DPY19L1: variants seen among roughly 807,000 people sequenced by gnomAD.
DPY19L1 encodes dpy-19 like C-mannosyltransferase 1, also known as protein C-mannosyl-transferase DPY19L1.
In DPY19L1, 35 loss-of-function variants were observed where a neutral mutation model predicts 96.9. The ratio of observed to expected loss-of-function variants is 0.36; its 90% confidence interval spans 0.28 to 0.48. The LOEUF is 0.48. Among genes scored for constraint, DPY19L1 ranks in the 20% least tolerant of loss-of-function variants. The pLI is 0.99. For synonymous variants in DPY19L1, 205 were observed against 252.6 expected (o/e 0.81, Z 1.79); for missense variants, 521 against 777.9 (o/e 0.67, Z 3.93).
chr7:34,988,654 A>G (rs1041767635), intron 7 of DPY19L1, among the ~76,000 whole-genome samples: 1 of 152,150 alleles, frequency 6.6e-6, no homozygotes, highest in Non-Finnish European at 1.5e-5. Context: ...GCATATTCAA[A>G]TACAGCAGGC....
At chr7:34,955,093 A>G (rs1290868618) in intron 12 of DPY19L1, among the ~76,000 whole-genome samples, 6 of 149,042 alleles carry the variant, frequency 4.0e-5, no homozygotes, top group South Asian at 4.3e-4. Context: ...CATGAGTAAT[A>G]AATAAAACTG....
chr7:35,023,420 T>C (rs1786042185), intron 1 of DPY19L1, among the ~76,000 whole-genome samples: 1 of 152,254 alleles, frequency 6.6e-6, no homozygotes, highest in South Asian at 2.1e-4. Flanking sequence ...TGTGCCTCTC[T>C]GTAACCTGCA....
At chr7:34,931,781 G>A in intron 21 of DPY19L1, 52 bp from the exon 22 acceptor site, 1 of 1,529,192 alleles carries the variant, frequency 6.5e-7, no homozygotes, top group Non-Finnish European at 8.8e-7. Flanking sequence ...TATAACTGCA[G>A]AGAAAGCAGA....
intron 19 of DPY19L1, 48 bp from the exon 20 acceptor site, chr7:34,939,423 A>AC: frequency 1.3e-6 from 2 of 1,518,044 alleles, no homozygotes; most frequent in Non-Finnish European, 1.8e-6. Flanking sequence ...TGAAGGCGAG[A>AC]AGGTGTCTCC....
At chr7:35,009,022 T>C (rs1279326349) in intron 6 of DPY19L1, among the ~76,000 whole-genome samples, 1 of 152,240 alleles carries the variant, frequency 6.6e-6, no homozygotes, top group Non-Finnish European at 1.5e-5. Flanking sequence ...TAATCATGCA[T>C]TTTTATTTTA....
At chr7:34,982,182 A>C (rs1784953172) in intron 7 of DPY19L1, among the ~76,000 whole-genome samples, 1 of 152,320 alleles carries the variant, frequency 6.6e-6, no homozygotes, top group African/African-American at 2.4e-5. Context: ...AAATCATCAA[A>C]GAATTTATGG....
chr7:34,968,550 C>G (rs1489604611), intron 9 of DPY19L1, among the ~76,000 whole-genome samples: 2 of 152,022 alleles, frequency 1.3e-5, no homozygotes, highest in Non-Finnish European at 2.9e-5. Flanking sequence ...GCGGGTGGAT[C>G]ACGAAGTCAG....
chr7:34,957,314 G>A (rs1214284164), intron 11 of DPY19L1, among the ~76,000 whole-genome samples: 1 of 152,048 alleles, frequency 6.6e-6, no homozygotes, highest in Non-Finnish European at 1.5e-5. Flanking sequence ...CCTGGGAGGC[G>A]GAGTGAGCCA....
At chr7:34,995,099 T>C (rs1159874373) in intron 6 of DPY19L1, among the ~76,000 whole-genome samples, 1 of 152,190 alleles carries the variant, frequency 6.6e-6, no homozygotes, top group Non-Finnish European at 1.5e-5. Flanking sequence ...AATTTATTTA[T>C]CTCCAAGGAA....
chr7:34,968,926 T>C (rs17203422), intron 9 of DPY19L1, among the ~76,000 whole-genome samples: 29,895 of 151,932 alleles, frequency 0.2, 3,323 homozygotes, highest in Admixed American at 0.36. Flanking sequence ...CAAGAGTACA[T>C]GGAAAGACAA....
chr7:34,996,592 G>A, intron 6 of DPY19L1, among the ~76,000 whole-genome samples: 1 of 151,980 alleles, frequency 6.6e-6, no homozygotes, highest in African/African-American at 2.4e-5. Flanking sequence ...CCCCTGGGCT[G>A]CTACAGCCTC....
chr7:35,023,832 T>TCTTTTC (rs1584261914), intron 1 of DPY19L1, among the ~76,000 whole-genome samples: 2 of 127,568 alleles, frequency 1.6e-5, no homozygotes, highest in East Asian at 4.2e-4. Context: ...TCTTTTCTTT[T>TCTTTTC]CTTTTTTTTT....
At chr7:34,993,846 G>C (rs1449905116) in intron 6 of DPY19L1, among the ~76,000 whole-genome samples, 5 of 151,822 alleles carry the variant, frequency 3.3e-5, no homozygotes, top group Non-Finnish European at 5.9e-5. Context: ...GATCACTTGA[G>C]GCCAGGAGTT....
chr7:34,938,335 C>A (rs1187521906), intron 20 of DPY19L1, among the ~76,000 whole-genome samples: 1 of 152,196 alleles, frequency 6.6e-6, no homozygotes, highest in African/African-American at 2.4e-5. Flanking sequence ...CTTTAACACA[C>A]CCCTACATTC....
At chr7:34,981,471 C>G (rs966585554) in intron 7 of DPY19L1, among the ~76,000 whole-genome samples, 1 of 152,162 alleles carries the variant, frequency 6.6e-6, no homozygotes, top group Non-Finnish European at 1.5e-5. Context: ...CTCAAAGTAT[C>G]ATCCCTCATT....
At chr7:35,004,225 TGC>T (rs1169367976) in intron 6 of DPY19L1, among the ~76,000 whole-genome samples, 2 of 152,340 alleles carry the variant, frequency 1.3e-5, no homozygotes, top group East Asian at 3.9e-4. Context: ...CTAGCTCAGC[TGC>T]GCTCCTGACA....
intron 10 of DPY19L1, among the ~76,000 whole-genome samples, chr7:34,959,311 C>T (rs961610056): frequency 2.0e-5 from 3 of 152,164 alleles, no homozygotes; most frequent in African/African-American, 7.2e-5. Context: ...TGTGACAATT[C>T]CTCAAGGATC....
intron 13 of DPY19L1, among the ~76,000 whole-genome samples, chr7:34,953,033 G>A (rs1784301570): frequency 6.6e-6 from 1 of 152,128 alleles, no homozygotes; most frequent in African/African-American, 2.4e-5. Context: ...AGGACCGAGT[G>A]TGGCTACTCA....
intron 8 of DPY19L1, among the ~76,000 whole-genome samples, chr7:34,970,036 A>C (rs1369985672): frequency 6.6e-6 from 1 of 152,208 alleles, no homozygotes; most frequent in Non-Finnish European, 1.5e-5. Flanking sequence ...GTGGAGGAAA[A>C]GATATGGGGT....
Sources: allele counts gnomAD v4.1 joint callset (sites outside exome capture counted in the v4.1 genomes callset), GRCh38; gene constraint gnomAD v4.1.1; transcripts MANE v1.5; gene names NCBI Gene and HGNC (gene_info 2026-07-23, HGNC 2026-07-21).